CPNE8: variants seen among roughly 807,000 people sequenced by gnomAD.
CPNE8 encodes the protein copine-8.
A neutral mutation model predicts 81.5 loss-of-function variants in CPNE8; 45 were observed. That is an observed-to-expected ratio of 0.55 (90% CI 0.44 to 0.71). The LOEUF (loss-of-function observed/expected upper bound fraction) is 0.71, where lower values mean the gene tolerates loss of function less well. Ranked by LOEUF, CPNE8 falls within the 30% of genes least tolerant of loss-of-function variation. CPNE8 has a pLI of 0.00. For synonymous variants in CPNE8, 252 were observed against 226.3 expected (o/e 1.11, Z -1.02); for missense variants, 594 against 672.1 (o/e 0.88, Z 1.28).
intron 16 of CPNE8, among the ~76,000 whole-genome samples, chr12:38,683,075 A>G (rs1939447456): frequency 6.6e-6 from 1 of 152,198 alleles, no homozygotes; most frequent in South Asian, 2.1e-4. Context: ...TGATGCTTTG[A>G]GTCTTGTCTA....
chr12:38,731,678 A>T (rs1036916055), intron 10 of CPNE8, among the ~76,000 whole-genome samples: 6 of 151,910 alleles, frequency 3.9e-5, no homozygotes, highest in Non-Finnish European at 7.4e-5. Context: ...TGTTAATAGC[A>T]AAAAGAATTG....
chr12:38,724,753 T>C (rs1940653113), intron 12 of CPNE8, 93 bp downstream of exon 12: 1 of 875,136 alleles, frequency 1.1e-6, no homozygotes, highest in Admixed American at 3.0e-5. Flanking sequence ...GCTCAGTTTT[T>C]TTAATTGCTT....
chr12:38,760,959 A>G, intron 9 of CPNE8, 71 bp from the exon 10 acceptor site: 1 of 1,183,706 alleles, frequency 8.4e-7, no homozygotes, highest in Non-Finnish European at 1.2e-6. Context: ...GAGAATTTAA[A>G]AATAAGTTGT....
chr12:38,797,185 A>G (rs1942505914), intron 6 of CPNE8, among the ~76,000 whole-genome samples: 1 of 152,186 alleles, frequency 6.6e-6, no homozygotes, highest in Admixed American at 6.5e-5. Context: ...GACAGCTTTG[A>G]ACAGAGCAGT....
At chr12:38,747,628 T>C (rs1941257852) in intron 10 of CPNE8, among the ~76,000 whole-genome samples, 3 of 152,174 alleles carry the variant, frequency 2.0e-5, no homozygotes. Flanking sequence ...TGTATAAAGC[T>C]GCACTGTTCA....
At chr12:38,733,708 G>T (rs1940888869) in intron 10 of CPNE8, among the ~76,000 whole-genome samples, 1 of 151,822 alleles carries the variant, frequency 6.6e-6, no homozygotes, top group South Asian at 2.1e-4. Context: ...GTTATTTAAA[G>T]TCTGAGGGAA....
chr12:38,799,441 T>A (rs1001666413), intron 6 of CPNE8, among the ~76,000 whole-genome samples: 2 of 152,116 alleles, frequency 1.3e-5, no homozygotes, highest in Non-Finnish European at 2.9e-5. Flanking sequence ...TGCTCCTGAA[T>A]GACTACTGGG....
intron 4 of CPNE8, among the ~76,000 whole-genome samples, chr12:38,844,580 G>T (rs1943522607): frequency 6.6e-6 from 1 of 151,978 alleles, no homozygotes; most frequent in Non-Finnish European, 1.5e-5. Flanking sequence ...AGGTAATCTT[G>T]AAAATATATC....
intron 6 of CPNE8, among the ~76,000 whole-genome samples, chr12:38,788,854 C>G (rs1235312145): frequency 1.3e-5 from 2 of 151,576 alleles, no homozygotes; most frequent in African/African-American, 2.4e-5. Flanking sequence ...ACCCTATTTA[C>G]AGTAGCCACA....
At chr12:38,717,080 A>G (rs1277044737) in intron 13 of CPNE8, among the ~76,000 whole-genome samples, 1 of 152,090 alleles carries the variant, frequency 6.6e-6, no homozygotes, top group African/African-American at 2.4e-5. Context: ...AATTAAAACC[A>G]TGATGAGATA....
At chr12:38,756,698 G>A (rs1941468173) in intron 10 of CPNE8, among the ~76,000 whole-genome samples, 1 of 152,054 alleles carries the variant, frequency 6.6e-6, no homozygotes, top group Non-Finnish European at 1.5e-5. Context: ...ATTTTATAAG[G>A]AGTCAATTCT....
At chr12:38,660,659 C>A (rs1938931247) in intron 19 of CPNE8, among the ~76,000 whole-genome samples, 1 of 152,008 alleles carries the variant, frequency 6.6e-6, no homozygotes, top group African/African-American at 2.4e-5. Context: ...CAAAAGACTA[C>A]CATCAGAGTG....
In CPNE8 at chr12:38,892,741, T is replaced by C. The variant is rs61640559; in HGVS notation, c.98+12696A>G. Among the ~76,000 whole-genome samples the C allele has an allele frequency of 6.8e-3, 1,033 of 152,306 alleles. 18 individuals are homozygous for C. The highest frequency in any genetic ancestry group is 0.023 in the African/African-American group (958 of 41,554). On this transcript the variant is annotated intron_variant, in intron 1 of 19. Coordinates refer to ENST00000331366, the MANE Select transcript of CPNE8 (RefSeq NM_153634.3). Reference sequence around the variant, plus strand: ...GACTGAATCCATCTGACAATTTTACTAAAAACTCTCTAGTTGCCAAAGAGA... The same window carrying C: ...GACTGAATCCATCTGACAATTTTACCAAAAACTCTCTAGTTGCCAAAGAGA...
chr12:38,794,354 A>G (rs1051102600), intron 6 of CPNE8, among the ~76,000 whole-genome samples: 4 of 152,186 alleles, frequency 2.6e-5, no homozygotes, highest in Non-Finnish European at 5.9e-5. Flanking sequence ...ATCTGATTAA[A>G]AAGTGAACAT....
At chr12:38,740,632 C>A (rs1941076441) in intron 10 of CPNE8, among the ~76,000 whole-genome samples, 2 of 152,182 alleles carry the variant, frequency 1.3e-5, no homozygotes, top group East Asian at 1.9e-4. Flanking sequence ...GCCTTTTCTG[C>A]ATCTATTGAG....
intron 16 of CPNE8, among the ~76,000 whole-genome samples, chr12:38,683,703 ATATTG>A (rs1939462416): frequency 6.6e-6 from 1 of 152,108 alleles, no homozygotes; most frequent in African/African-American, 2.4e-5. Flanking sequence ...GGAACTTCCT[ATATTG>A]TATTGGAAGG....
Position 38,691,273 on chromosome 12 carries a change from G to A in CPNE8, c.1143+2384C>T, listed in dbSNP as rs1041414350. 5.9e-5 allele frequency among the ~76,000 whole-genome samples: 9 copies of A among 152,258 alleles called. No individual in the cohort carries two copies. In the East Asian group the frequency reaches 1.7e-3, roughly 30 times the overall value. The stretch of plus-strand genomic sequence containing the variant: ...GACAATGGTTAACTTCTGAGCCTCT[G>A]AGTTGAGTTATACAACTCCTGGGTG... On this transcript the variant is annotated intron_variant, in intron 15 of 19. Coordinates refer to ENST00000331366, the MANE Select transcript of CPNE8 (RefSeq NM_153634.3).
At chr12:38,778,268 G>T (rs923999282) in intron 6 of CPNE8, among the ~76,000 whole-genome samples, 3 of 152,084 alleles carry the variant, frequency 2.0e-5, no homozygotes, top group Non-Finnish European at 2.9e-5. Context: ...GACCATCTAG[G>T]TTTGTGTAAG....
chr12:38,715,987 T>C (rs1212918480), intron 13 of CPNE8, among the ~76,000 whole-genome samples: 1 of 152,074 alleles, frequency 6.6e-6, no homozygotes, highest in Non-Finnish European at 1.5e-5. Flanking sequence ...GTAGCACTGC[T>C]GTACACTAAC....
Sources: gnomAD v4.1 joint callset for allele counts (sites outside exome capture counted in the v4.1 genomes callset) on GRCh38, gnomAD v4.1.1 for gene constraint, MANE v1.5 for transcripts, NCBI Gene and HGNC (gene_info 2026-07-23, HGNC 2026-07-21) for gene names.